The following CNBD1 variants were observed in gnomAD, a reference collection of about 807,000 sequenced individuals.
The protein encoded by CNBD1 is cyclic nucleotide-binding domain-containing protein 1.
A neutral mutation model predicts 54.4 loss-of-function variants in CNBD1; 71 were observed. The observed-to-expected ratio is 1.30, with a 90% confidence interval of 1.08 to 1.59. The LOEUF is 1.59. Ranked by LOEUF, CNBD1 falls within the 40% of genes most tolerant of loss-of-function variation. CNBD1 has a pLI of 0.00. For missense variants in CNBD1, 659 were observed against 518.0 expected, an observed-to-expected ratio of 1.27 and a Z score of -2.64; for synonymous variants, 182 against 170.7, an observed-to-expected ratio of 1.07 and a Z score of -0.51.
intron 10 of CNBD1, among the ~76,000 whole-genome samples, chr8:87,370,733 T>G (rs1301613027): frequency 2.0e-5 from 3 of 149,264 alleles, no homozygotes; most frequent in African/African-American, 5.0e-5. Context: ...TTAGTTTAAT[T>G]AGATCCCATT....
intron 4 of CNBD1, among the ~76,000 whole-genome samples, chr8:87,198,166 G>A (rs1813760836): frequency 6.6e-6 from 1 of 152,230 alleles, no homozygotes; most frequent in South Asian, 2.1e-4. Context: ...ATATTGACTT[G>A]TTTTAATCTT....
At chr8:87,381,300 A>T (rs939961070) in intron 10 of CNBD1, among the ~76,000 whole-genome samples, 2 of 151,888 alleles carry the variant, frequency 1.3e-5, no homozygotes, top group Non-Finnish European at 2.9e-5. Flanking sequence ...AATGCCACTA[A>T]CAGGAAAATG....
chr8:87,105,931 A>T (rs1270922495), intron 4 of CNBD1, among the ~76,000 whole-genome samples: 1 of 152,060 alleles, frequency 6.6e-6, no homozygotes, highest in East Asian at 1.9e-4. Context: ...ATAGTTACAG[A>T]ATTTGATTTA....
chr8:87,290,015 C>T (rs903296586), intron 8 of CNBD1, among the ~76,000 whole-genome samples: 2 of 152,000 alleles, frequency 1.3e-5, no homozygotes, highest in African/African-American at 4.8e-5. Context: ...AATAATTTTT[C>T]ACCATATTTG....
intron 4 of CNBD1, among the ~76,000 whole-genome samples, chr8:86,963,458 AG>A (rs903571143): frequency 3.3e-5 from 5 of 152,110 alleles, no homozygotes; most frequent in African/African-American, 1.2e-4. Flanking sequence ...AAGGTGCCTC[AG>A]GGGGGTGTAT....
rs577400178 is a variant in CNBD1, at chr8:86,932,897, G to A, written c.273-6699G>A. On this transcript the variant is annotated intron_variant, in intron 3 of 10. Transcript: ENST00000518476. ...CTGGACCCTGCTGTTTGGAATAGTTGCGCTCACTGAAGCAGCAGCGGAAAC... is the reference window on the plus strand; with the variant it reads ...CTGGACCCTGCTGTTTGGAATAGTTACGCTCACTGAAGCAGCAGCGGAAAC... 6.6e-5 allele frequency among the ~76,000 whole-genome samples: 10 copies of A among 151,992 alleles called. No individual in the cohort carries two copies. In the South Asian group the frequency reaches 2.1e-3, roughly 32 times the overall value.
chr8:87,179,117 G>T (rs1330996362), intron 4 of CNBD1, among the ~76,000 whole-genome samples: 1 of 152,090 alleles, frequency 6.6e-6, no homozygotes, highest in Non-Finnish European at 1.5e-5. Flanking sequence ...CACCATGTTG[G>T]CCAGGATAGT....
At chr8:87,318,998 A>T (rs2130897360) in intron 8 of CNBD1, among the ~76,000 whole-genome samples, 1 of 152,238 alleles carries the variant, frequency 6.6e-6, no homozygotes, top group African/African-American at 2.4e-5. Flanking sequence ...GAAATTTTTA[A>T]GCAACAAAAA....
intron 3 of CNBD1, among the ~76,000 whole-genome samples, chr8:86,920,707 C>T (rs968856692): frequency 4.8e-4 from 73 of 152,172 alleles, no homozygotes; most frequent in African/African-American, 1.6e-3. Context: ...TGTCAAAGTA[C>T]GTTTTAGGCA....
intron 2 of CNBD1, among the ~76,000 whole-genome samples, chr8:86,891,341 G>C (rs909212069): frequency 6.6e-6 from 1 of 151,962 alleles, no homozygotes; most frequent in African/African-American, 2.4e-5. Context: ...TTATTAGACA[G>C]ACTGTCCTTT....
chr8:87,296,084 A>G (rs1334488856), intron 8 of CNBD1, among the ~76,000 whole-genome samples: 1 of 152,160 alleles, frequency 6.6e-6, no homozygotes, highest in African/African-American at 2.4e-5. Context: ...ATTCTATAAT[A>G]AGTACATATG....
chr8:86,984,343 C>T (rs1362368953), intron 4 of CNBD1, among the ~76,000 whole-genome samples: 1 of 152,142 alleles, frequency 6.6e-6, no homozygotes, highest in Non-Finnish European at 1.5e-5. Context: ...GAGAATCTCT[C>T]TTAGGGCAGA....
At position 87,296,744 on chromosome 8, in the gene CNBD1, A is replaced by G. The variant is rs574451317; in HGVS notation, c.1042+10073A>G. 2.6e-5 allele frequency among the ~76,000 whole-genome samples: 4 copies of G among 152,188 alleles called. No individual in the cohort carries two copies. The South Asian group carries it at 6.2e-4, about 24-fold the overall frequency. On this transcript the variant is annotated intron_variant, in intron 8 of 10. Coordinates refer to ENST00000518476, the MANE Select transcript of CNBD1 (RefSeq NM_173538.3). ...TATAAAAAGAGAAATAAGACTTTAA[A>G]TCATAAAACAGGCTATAATTCATAA...
chr8:86,955,555 G>T (rs1586160097), intron 4 of CNBD1, among the ~76,000 whole-genome samples: 1 of 152,166 alleles, frequency 6.6e-6, no homozygotes, highest in Non-Finnish European at 1.5e-5. Flanking sequence ...TCTCATTGTG[G>T]TTTTGATTTG....
chr8:87,347,164 A>T (rs994016383), intron 8 of CNBD1, among the ~76,000 whole-genome samples: 1 of 152,074 alleles, frequency 6.6e-6, no homozygotes, highest in African/African-American at 2.4e-5. Flanking sequence ...CTTTCTTTTT[A>T]TTAATGTTTT....
chr8:87,389,808 G>T (rs1382155734), intron 2 of CNBD1, among the ~76,000 whole-genome samples: 1 of 152,116 alleles, frequency 6.6e-6, no homozygotes, highest in Non-Finnish European at 1.5e-5. Flanking sequence ...TAAGCCGAAA[G>T]AACAAAACTG....
intron 4 of CNBD1, among the ~76,000 whole-genome samples, chr8:87,076,360 G>T (rs1377194304): frequency 6.6e-6 from 1 of 152,104 alleles, no homozygotes; most frequent in Non-Finnish European, 1.5e-5. Flanking sequence ...TAGGACTTTT[G>T]ACTGGTGCTA....
intron 4 of CNBD1, among the ~76,000 whole-genome samples, chr8:87,067,814 T>C (rs1294373654): frequency 6.6e-6 from 1 of 151,966 alleles, no homozygotes; most frequent in Non-Finnish European, 1.5e-5. Context: ...CTCTGTGTAT[T>C]TTTTTCATGT....
chr8:86,954,821 T>C (rs1444563150), intron 4 of CNBD1, among the ~76,000 whole-genome samples: 1 of 152,232 alleles, frequency 6.6e-6, no homozygotes, highest in South Asian at 2.1e-4. Flanking sequence ...AGCAGGAAAG[T>C]TGAACAATTT....
Sources: allele counts gnomAD v4.1 joint callset (sites outside exome capture counted in the v4.1 genomes callset), GRCh38; gene constraint gnomAD v4.1.1; transcripts MANE v1.5; gene names NCBI Gene and HGNC (gene_info 2026-07-23, HGNC 2026-07-21).